Variants in UNC5D observed in about 807,000 individuals in gnomAD.
UNC5D encodes unc-5 netrin receptor D.
Under a neutral mutation model 105.4 loss-of-function variants are expected in UNC5D, and 39 were observed. The observed-to-expected ratio is 0.37, with a 90% CI of 0.29 to 0.48. UNC5D has a LOEUF of 0.48. UNC5D is among the 20% of genes least tolerant of loss of function. The probability of loss-of-function intolerance (pLI) is 0.98; values close to 1 mark genes in which losing one functional copy is unlikely to be tolerated. For synonymous variants in UNC5D, 452 were observed against 450.4 expected, an observed-to-expected ratio of 1.00 and a Z score of -0.04; for missense variants, 991 against 1,202.4, an observed-to-expected ratio of 0.82 and a Z score of 2.60.
At chr8:35,550,914 C>T (rs1002300448) in intron 2 of UNC5D, among the ~76,000 whole-genome samples, 1 of 152,122 alleles carries the variant, frequency 6.6e-6, no homozygotes, top group East Asian at 1.9e-4. Flanking sequence ...GCTTGGTATA[C>T]GTTCAGCAAA....
intron 1 of UNC5D, among the ~76,000 whole-genome samples, chr8:35,307,455 C>T (rs1204152315): frequency 3.9e-5 from 6 of 152,202 alleles, no homozygotes; most frequent in East Asian, 3.9e-4. Context: ...AAGTATTATA[C>T]GACATGGTTC....
intron 1 of UNC5D, among the ~76,000 whole-genome samples, chr8:35,539,203 GA>G (rs2130617461): frequency 6.6e-6 from 1 of 152,192 alleles, no homozygotes; most frequent in African/African-American, 2.4e-5. Flanking sequence ...ATACTAGAAT[GA>G]ATCATATCAA....
chr8:35,574,537 T>A (rs1246412684), intron 3 of UNC5D, among the ~76,000 whole-genome samples: 1 of 152,192 alleles, frequency 6.6e-6, no homozygotes, highest in Admixed American at 6.5e-5. Context: ...CAAAGAAGTA[T>A]TATTTTCATT....
chr8:35,385,623 G>A (rs1423533698), intron 1 of UNC5D, among the ~76,000 whole-genome samples: 2 of 151,912 alleles, frequency 1.3e-5, no homozygotes, highest in Non-Finnish European at 2.9e-5. Context: ...CCGCCACCAC[G>A]CCTGGAGAAT....
intron 1 of UNC5D, among the ~76,000 whole-genome samples, chr8:35,466,896 C>T (rs991889734): frequency 1.3e-5 from 2 of 152,072 alleles, no homozygotes; most frequent in African/African-American, 2.4e-5. Context: ...GGTTGTATTA[C>T]GTAGCATATT....
intron 1 of UNC5D, among the ~76,000 whole-genome samples, chr8:35,486,228 G>A (rs889187974): frequency 6.6e-6 from 1 of 152,140 alleles, no homozygotes; most frequent in Non-Finnish European, 1.5e-5. Flanking sequence ...GCTTTGTGAG[G>A]AAAGCACGTT....
chr8:35,336,791 G>GT (rs11404669), intron 1 of UNC5D, among the ~76,000 whole-genome samples: 126,708 of 147,636 alleles, frequency 0.86, 55,413 homozygotes, highest in Non-Finnish European at 0.95. Context: ...AGGAAATAGT[G>GT]TTTTTTTTTT....
chr8:35,775,176 T>C (rs1802190326), intron 16 of UNC5D, among the ~76,000 whole-genome samples: 1 of 152,208 alleles, frequency 6.6e-6, no homozygotes, highest in Admixed American at 6.5e-5. Context: ...CTAAGCATTC[T>C]TTAACCCTTA....
At chr8:35,525,912 G>A (rs1011469497) in intron 1 of UNC5D, 39 of 708,932 alleles carry the variant, frequency 5.5e-5, no homozygotes, top group South Asian at 1.4e-4. Flanking sequence ...CTGCACTGGA[G>A]TGTTCATAAA....
intron 8 of UNC5D, among the ~76,000 whole-genome samples, chr8:35,716,105 G>A (rs1458840211): frequency 1.3e-5 from 2 of 152,200 alleles, no homozygotes; most frequent in East Asian, 3.9e-4. Flanking sequence ...CCAGGTGCCG[G>A]TATGGAGAGA....
At chr8:35,668,838 T>C (rs10282866) in intron 4 of UNC5D, among the ~76,000 whole-genome samples, 151,290 of 152,234 alleles carry the variant, frequency 0.99, 75,177 homozygotes, top group East Asian at 1. Flanking sequence ...TGGCACCTTA[T>C]CCAGACTCAC....
intron 11 of UNC5D, among the ~76,000 whole-genome samples, chr8:35,732,529 G>A (rs1321575253): frequency 6.6e-6 from 1 of 152,116 alleles, no homozygotes; most frequent in Non-Finnish European, 1.5e-5. Flanking sequence ...CCTAAAAATG[G>A]AGTTCCCTGG....
At chr8:35,543,259 A>G (rs1033570532) in intron 1 of UNC5D, among the ~76,000 whole-genome samples, 9 of 152,134 alleles carry the variant, frequency 5.9e-5, no homozygotes, top group African/African-American at 2.2e-4. Context: ...AGAAAAGGAG[A>G]AAAAAAGTGA....
chr8:35,666,729 T>C (rs1349191641), intron 4 of UNC5D, among the ~76,000 whole-genome samples: 3 of 152,204 alleles, frequency 2.0e-5, no homozygotes, highest in Non-Finnish European at 4.4e-5. Flanking sequence ...TTGTAACTCA[T>C]GAAACTACCT....
At chr8:35,725,595 CT>C (rs1828815868) in intron 9 of UNC5D, among the ~76,000 whole-genome samples, 1 of 152,016 alleles carries the variant, frequency 6.6e-6, no homozygotes, top group East Asian at 1.9e-4. Flanking sequence ...TGCCCTGACC[CT>C]TTTGCTCTGA....
chr8:35,790,643 A>T lies in UNC5D; in HGVS notation c.*80A>T. The T allele has an allele frequency of 2.0e-6, 3 of 1,505,898 alleles. No homozygotes were observed. The highest frequency in any genetic ancestry group is 2.7e-6 in the Non-Finnish European group (3 of 1,097,690). The allele number at this position is 1,505,898 out of a possible 1,614,324, so 93.3% of individuals were successfully genotyped here. On this transcript the variant is annotated 3_prime_UTR_variant, in exon 17 of 17. Coordinates refer to ENST00000404895, the MANE Select transcript of UNC5D (RefSeq NM_080872.4). ...ATGGGAAAGAGGCCGCTTTCTGCCC[A>T]GTGGCGTTGGGGGAATTCAGCCTTC...
chr8:35,701,424 G>C (rs1827188240), intron 7 of UNC5D, among the ~76,000 whole-genome samples: 1 of 152,158 alleles, frequency 6.6e-6, no homozygotes, highest in Non-Finnish European at 1.5e-5. Flanking sequence ...CAGGGATGTG[G>C]GCTGCATGCA....
At chr8:35,254,085 T>C (rs2056769) in intron 1 of UNC5D, among the ~76,000 whole-genome samples, 53,554 of 152,110 alleles carry the variant, frequency 0.35, 10,567 homozygotes, top group Non-Finnish European at 0.43. Context: ...ACCTCTCACA[T>C]TCAGCCTTGT....
At chr8:35,345,635 G>C (rs1811754330) in intron 1 of UNC5D, among the ~76,000 whole-genome samples, 1 of 152,006 alleles carries the variant, frequency 6.6e-6, no homozygotes, top group Non-Finnish European at 1.5e-5. Context: ...AACACAATAT[G>C]CCAACTTTAT....
Sources: allele counts gnomAD v4.1 joint callset (sites outside exome capture counted in the v4.1 genomes callset), GRCh38; gene constraint gnomAD v4.1.1; transcripts MANE v1.5; gene names NCBI Gene and HGNC (gene_info 2026-07-23, HGNC 2026-07-21).